Variants in TARS2 observed in about 807,000 individuals in gnomAD.
The protein encoded by TARS2 is threonyl-tRNA synthetase 2, mitochondrial.
In TARS2, 61 loss-of-function variants were observed where a neutral mutation model predicts 94.4. The observed-to-expected ratio is 0.65, with a 90% CI of 0.53 to 0.80. The LOEUF is 0.80. Ranked by LOEUF, TARS2 falls within the 30% of genes least tolerant of loss-of-function variation. The pLI is 0.00. For synonymous variants in TARS2, 359 were observed against 353.4 expected (o/e 1.02, Z -0.18); for missense variants, 704 against 902.5 (o/e 0.78, Z 2.82).
At chr1:150,497,492 G>A (rs761166200) in intron 9 of TARS2, 38 bp from the exon 10 acceptor site, 1 of 1,600,914 alleles carries the variant, frequency 6.2e-7, no homozygotes, top group Non-Finnish European at 8.5e-7. Context: ...TTTCCTTCCA[G>A]TTACTCTGAC....
At chr1:150,504,266 G>T (rs1390005085) in intron 13 of TARS2, 69 bp from the exon 14 acceptor site, 1 of 1,485,996 alleles carries the variant, frequency 6.7e-7, no homozygotes, top group Non-Finnish European at 9.3e-7. Context: ...GATGGCACAG[G>T]TAATGGAGGA....
intron 13 of TARS2, among the ~76,000 whole-genome samples, chr1:150,501,522 G>C (rs1426176848): frequency 6.8e-6 from 1 of 146,462 alleles, no homozygotes; most frequent in African/African-American, 2.5e-5. Flanking sequence ...TTTTTTAGTA[G>C]ATATGGGGTT....
chr1:150,494,071 A>G (rs1669528369), intron 7 of TARS2, among the ~76,000 whole-genome samples: 1 of 152,040 alleles, frequency 6.6e-6, no homozygotes, highest in Non-Finnish European at 1.5e-5. Context: ...CCTCATAAAG[A>G]TAATGAAAAC....
Position 150,498,569 on chromosome 1 carries a change from C to G in TARS2, c.1306C>G (p.Leu436Val). ...CCTGCGACTAGCTGACTTTGGGGCT[C>G]TACACCGGGCCGAAGCCTCTGGTGG... ...LPLRLADFGA[L>V]HRAEASGGLG... Residue 436 changes from leucine (L) to valine (V), a missense_variant, in exon 11 of 18, where the codon CTA becomes GTA. Physicochemically the swap from Leu to Val is conservative, Grantham distance 32 (BLOSUM62 1). Coordinates refer to ENST00000369064, the MANE Select transcript of TARS2 (RefSeq NM_025150.5). 6.2e-7 allele frequency: 1 copy of G among 1,608,390 alleles called. No homozygotes were observed. Among genetic ancestry groups the G allele is most frequent in the East Asian group, 2.2e-5 (1 of 44,844 alleles).
Position 150,504,917 on chromosome 1 carries a change from T to C in TARS2, c.1832T>C (p.Leu611Pro). 2 of 1,614,218 alleles carry C rather than the reference T, an allele frequency of 1.2e-6. No individual in the cohort carries two copies. The highest frequency in any genetic ancestry group is 1.7e-6 in the Non-Finnish European group (2 of 1,180,038). Residue 611 changes from leucine (L) to proline (P), a missense_variant, in exon 16 of 18, where the codon CTG (leucine) becomes CCG (proline). Physicochemically the swap from Leu to Pro is moderately conservative, Grantham distance 98. This residue lies in a region of TARS2 where 466 missense variants were observed against 609.5 expected (regional missense o/e 0.76). Transcript: ENST00000369064. ...ESCGGKWPLW[L>P]SPFQVVVIPV... is the part of the protein sequence containing the mutation. The stretch of plus-strand genomic sequence containing the variant: ...TCTTTCCCTACCAGGCCACTGTGGC[T>C]GTCCCCGTTCCAGGTGGTGGTCATC...
chr1:150,487,735 C>A, intron 1 of TARS2, 123 bp from the exon 2 acceptor site: 4 of 1,383,120 alleles, frequency 2.9e-6, no homozygotes, highest in Non-Finnish European at 4.0e-6. Context: ...TTGTATCACC[C>A]AATCCCCTTA....
Position 150,488,779 on chromosome 1 carries a change from C to T in TARS2, c.264-185C>T. The T allele has an allele frequency of 4.2e-6, 3 of 706,268 alleles. No homozygotes were observed. In the East Asian group the frequency reaches 8.3e-5, roughly 19 times the overall value. 43.8% of individuals were successfully genotyped at this position (706,268 alleles called of 1,614,324 possible). A position where few individuals can be genotyped will look rare whatever the true frequency, so the allele number is the denominator to read the frequency against. Reference sequence around the variant, plus strand: ...CTTCTGTCTAACTCTATTTTTGTACCCATTAGCCAACCTCTTCATCTCCCC... The same window carrying T: ...CTTCTGTCTAACTCTATTTTTGTACTCATTAGCCAACCTCTTCATCTCCCC... On this transcript the variant is annotated intron_variant, in intron 2 of 17. Coordinates refer to ENST00000369064, the MANE Select transcript of TARS2 (RefSeq NM_025150.5).
intron 7 of TARS2, among the ~76,000 whole-genome samples, chr1:150,495,009 G>T (rs1289783891): frequency 6.6e-6 from 1 of 151,412 alleles, no homozygotes. Context: ...GTGAAACCCT[G>T]TCTACTAAAA....
In TARS2 at chr1:150,499,213, A is replaced by G. The variant is rs1489188959; in HGVS notation, c.1540-3A>G. On this transcript the variant is annotated splice_polypyrimidine_tract_variant and splice_region_variant and intron_variant, in intron 12 of 17. Transcript: ENST00000369064. ...ATTCCACTCTTGTCTCATTCCTTCAAAGGTCCTTAAACAGGCCCTGAAGGA... is the reference window on the plus strand; with the variant it reads ...ATTCCACTCTTGTCTCATTCCTTCAGAGGTCCTTAAACAGGCCCTGAAGGA... 2 of 1,614,042 alleles carry G rather than the reference A, an allele frequency of 1.2e-6. No homozygotes were observed. The highest frequency in any genetic ancestry group is 1.7e-5 in the Admixed American group (1 of 59,986).
chr1:150,491,405 G>T lies in TARS2; in HGVS notation c.524G>T (p.Gly175Val). The T allele has an allele frequency of 6.2e-7, 1 of 1,612,882 alleles. No homozygotes were observed. Among genetic ancestry groups the T allele is most frequent in the Middle Eastern group, 2.0e-4 (1 of 4,966 alleles). ...TCTCCTCTTTCCAGGACAATCCGGG[G>T]CTCAGAGCTGCCTGTTTTGGAGCGG... ...FFLGKERTIR[G>V]SELPVLERIC... Residue 175 changes from glycine (G) to valine (V), a missense_variant, in exon 5 of 18, where the codon GGC (glycine) becomes GTC (valine). By Grantham distance (109) the Gly-to-Val change is moderately radical (BLOSUM62 -3). Around this residue, in one of 3 missense-constraint regions of TARS2, gnomAD observed 208 missense variants for 228.5 expected, o/e 0.91. Transcript: ENST00000369064.
chr1:150,488,997 A>G lies in TARS2; in HGVS notation c.297A>G (p.Gln99=). The G allele has an allele frequency of 6.2e-7, 1 of 1,614,196 alleles. No homozygotes were observed. The highest frequency in any genetic ancestry group is 8.5e-7 in the Non-Finnish European group (1 of 1,180,022). ...STLADTAVAA[Q]VNGEPYDLER... is the part of the protein sequence containing the mutation. Reference sequence around the variant, plus strand: ...TGGCAGATACTGCAGTGGCTGCTCAAGTGAATGGAGAACCTTATGATCTGG... The same window carrying G: ...TGGCAGATACTGCAGTGGCTGCTCAGGTGAATGGAGAACCTTATGATCTGG... The change falls in exon 3 of 18, where the codon CAA becomes CAG. Residue 99 remains glutamine, a synonymous_variant. Coordinates refer to ENST00000369064, the MANE Select transcript of TARS2 (RefSeq NM_025150.5).
At chr1:150,497,496 C>T in intron 9 of TARS2, 34 bp from the exon 10 acceptor site, 1 of 1,605,182 alleles carries the variant, frequency 6.2e-7, no homozygotes, top group Non-Finnish European at 8.5e-7. Context: ...CTTCCAGTTA[C>T]TCTGACCTTC....
In TARS2 at chr1:150,507,170, G is replaced by A; in HGVS notation, c.*106G>A. 3 of 1,455,340 alleles carry A rather than the reference G, an allele frequency of 2.1e-6. No individual in the cohort carries two copies. Among genetic ancestry groups the A allele is most frequent in the Non-Finnish European group, 1.9e-6 (2 of 1,078,598 alleles). The allele number at this position is 1,455,340 out of a possible 1,614,324, so 90.2% of individuals were successfully genotyped here. ...GTGGAGCCCCCAGAACTTCAGAACT[G>A]TGTGGAGGCACATGTCTGCTCTCCT... On this transcript the variant is annotated 3_prime_UTR_variant, in exon 18 of 18. Coordinates refer to ENST00000369064, the MANE Select transcript of TARS2 (RefSeq NM_025150.5).
At position 150,505,634 on chromosome 1, in the gene TARS2, A is replaced by G. The variant is rs1670166293; in HGVS notation, c.1937A>G (p.Asp646Gly). 6.2e-7 allele frequency: 1 copy of G among 1,614,034 alleles called. No homozygotes were observed. Among genetic ancestry groups the G allele is most frequent in the African/African-American group, 1.3e-5 (1 of 74,906 alleles). The change falls in exon 17 of 18, where the codon GAT (aspartate) becomes GGT (glycine). Residue 646 changes from aspartate to glycine, a missense_variant. By Grantham distance (94) the Asp-to-Gly change is moderately conservative (BLOSUM62 -1). Transcript: ENST00000369064. ...LRAAGLVSDL[D>G]ADSGLTLSRR... ...GCTGCAGGACTGGTCAGTGACCTGG[A>G]TGCAGACTCTGGACTGACCCTCAGC...
chr1:150,500,934 T>C (rs1333316709), intron 13 of TARS2, among the ~76,000 whole-genome samples: 2 of 152,084 alleles, frequency 1.3e-5, no homozygotes, highest in Non-Finnish European at 2.9e-5. Context: ...TAAGGTAGGA[T>C]TGAGAAGCCT....
Position 150,507,373 on chromosome 1 carries a change from C to T in TARS2, c.*309C>T, listed in dbSNP as rs182507817. Reference sequence around the variant, plus strand: ...TCATGAGGTCAGGAGATCAAGACCACCCTGGCTAACACGGTGAAACCCTGT... The same window carrying T: ...TCATGAGGTCAGGAGATCAAGACCATCCTGGCTAACACGGTGAAACCCTGT... On this transcript the variant is annotated 3_prime_UTR_variant, in exon 18 of 18. Coordinates refer to ENST00000369064, the MANE Select transcript of TARS2 (RefSeq NM_025150.5). 8.5e-4 allele frequency: 195 copies of T among 229,424 alleles called. 2 individuals carry two copies. In the East Asian group the frequency reaches 0.018, roughly 21 times the overall value. The allele number at this position is 229,424 out of a possible 1,614,324, so 14.2% of individuals were successfully genotyped here.
At position 150,489,025 on chromosome 1, in the gene TARS2, C is replaced by A. The variant is rs771685918; in HGVS notation, c.325C>A (p.Arg109=). 8 of 1,614,062 alleles carry A rather than the reference C, an allele frequency of 5.0e-6. No homozygotes were observed. Among genetic ancestry groups the A allele is most frequent in the Non-Finnish European group, 6.8e-6 (8 of 1,180,026 alleles). The change falls in exon 3 of 18, where the codon CGG becomes AGG. Residue 109 remains arginine (R), a synonymous_variant. Transcript: ENST00000369064. ...GAATGGAGAACCTTATGATCTGGAGCGGCCCTTGGAGACAGATTCTGACCT... is the reference window on the plus strand; with the variant it reads ...GAATGGAGAACCTTATGATCTGGAGAGGCCCTTGGAGACAGATTCTGACCT... ...QVNGEPYDLE[R]PLETDSDLRF...
intron 13 of TARS2, among the ~76,000 whole-genome samples, chr1:150,503,669 A>G (rs1226835639): frequency 6.7e-6 from 1 of 149,732 alleles, no homozygotes; most frequent in African/African-American, 2.5e-5. Flanking sequence ...GTGTGTATAT[A>G]TGTGTGTATA....
At position 150,499,203 on chromosome 1, in the gene TARS2, C is replaced by T. The variant is rs763390852; in HGVS notation, c.1540-13C>T. On this transcript the variant is annotated splice_polypyrimidine_tract_variant and intron_variant, in intron 12 of 17. Coordinates refer to ENST00000369064, the MANE Select transcript of TARS2 (RefSeq NM_025150.5). ...AAGATGATGTATTCCACTCTTGTCT[C>T]ATTCCTTCAAAGGTCCTTAAACAGG... 135 of 1,613,912 alleles carry T rather than the reference C, an allele frequency of 8.4e-5. 1 individual carries two copies. Among genetic ancestry groups the T allele is most frequent in the Non-Finnish European group, 1.1e-4 (131 of 1,179,976 alleles).
Sources: gnomAD v4.1 joint callset for allele counts (sites outside exome capture counted in the v4.1 genomes callset) on GRCh38, gnomAD v4.1.1 for gene constraint, gnomAD v4.1.1 regional missense constraint, MANE v1.5 for transcripts, NCBI Gene and HGNC (gene_info 2026-07-23, HGNC 2026-07-21) for gene names.